Variants in CBFA2T3 observed in about 807,000 individuals in gnomAD.
CBFA2T3 encodes the protein CBFA2/RUNX1 partner transcriptional co-repressor 3.
In CBFA2T3, 31 loss-of-function variants were observed where a neutral mutation model predicts 58.6. That is an observed-to-expected ratio of 0.53 (90% CI 0.40 to 0.71). The LOEUF is 0.71. Ranked by LOEUF, CBFA2T3 falls within the 30% of genes least tolerant of loss-of-function variation. The pLI, the probability that CBFA2T3 is intolerant of heterozygous loss-of-function variation, is 0.00. For missense variants in CBFA2T3, 1,076 were observed against 963.1 expected (o/e 1.12, Z -1.55); for synonymous variants, 531 against 421.9 (o/e 1.26, Z -3.17).
intron 1 of CBFA2T3, among the ~76,000 whole-genome samples, chr16:88,917,087 GA>G (rs1016742816): frequency 1.3e-5 from 2 of 151,136 alleles, no homozygotes; most frequent in South Asian, 2.1e-4. Context: ...AAAAAAAAAG[GA>G]AAAAAAGAAA....
chr16:88,881,429 T>A lies in CBFA2T3; in HGVS notation c.1264A>T (p.Arg422Trp), dbSNP rs1321817403. 1 of 1,609,646 alleles carries A rather than the reference T, an allele frequency of 6.2e-7. No individual in the cohort carries two copies. Among genetic ancestry groups the A allele is most frequent in the South Asian group, 1.1e-5 (1 of 90,896 alleles). The change falls in exon 9 of 12, where the codon AGG becomes TGG. Residue 422 changes from arginine (R) to tryptophan (W), a missense_variant. Transcript: ENST00000268679. ...KTRRSLTVLR[R>W]CQEADREELN... ...TCCTCGCGGTCGGCCTCCTGGCACC[T>A]GCGCAGCACCGTGAGCGAGCGCCGC...
At position 88,874,912 on chromosome 16, in the gene CBFA2T3, C is replaced by T. The variant is rs1261755928; in HGVS notation, c.*2064G>A. 5 of 232,546 alleles carry T rather than the reference C, an allele frequency of 2.2e-5. No individual in the cohort carries two copies. The highest frequency in any genetic ancestry group is 3.4e-5 in the Non-Finnish European group (4 of 117,368). The allele number at this position is 232,546 out of a possible 1,614,324, so 14.4% of individuals were successfully genotyped here. On this transcript the variant is annotated 3_prime_UTR_variant, in exon 12 of 12. Transcript: ENST00000268679. ...TCTCGTTTATTACCATCATGAATATCATTTGGACCTCTGCAAAGACTATAT... is the reference window on the plus strand; with the variant it reads ...TCTCGTTTATTACCATCATGAATATTATTTGGACCTCTGCAAAGACTATAT...
chr16:88,929,149 G>C (rs768165469), intron 1 of CBFA2T3, among the ~76,000 whole-genome samples: 3 of 152,222 alleles, frequency 2.0e-5, no homozygotes, highest in Non-Finnish European at 4.4e-5. Context: ...CAAGTCACGC[G>C]GTCAGAGAGC....
intron 1 of CBFA2T3, among the ~76,000 whole-genome samples, chr16:88,936,202 C>A (rs117953675): frequency 1.1e-4 from 17 of 152,192 alleles, no homozygotes; most frequent in Admixed American, 6.5e-4. Context: ...CACCAGGGTG[C>A]GCAGGAGCCC....
intron 1 of CBFA2T3, among the ~76,000 whole-genome samples, chr16:88,971,962 A>C (rs986196092): frequency 3.3e-5 from 5 of 152,314 alleles, no homozygotes; most frequent in African/African-American, 1.2e-4. Flanking sequence ...GAGAAGTGAA[A>C]GTTGTCTTCG....
intron 8 of CBFA2T3, among the ~76,000 whole-genome samples, chr16:88,881,859 T>G (rs1167816077): frequency 6.6e-6 from 1 of 152,168 alleles, no homozygotes; most frequent in Non-Finnish European, 1.5e-5. Context: ...GGAGGGGTGC[T>G]GGCCCCATGC....
chr16:88,893,746 G>A (rs1041705155), intron 3 of CBFA2T3, among the ~76,000 whole-genome samples: 1 of 152,248 alleles, frequency 6.6e-6, no homozygotes, highest in African/African-American at 2.4e-5. Flanking sequence ...ACATGGGGCT[G>A]CTATGGAAAG....
intron 5 of CBFA2T3, among the ~76,000 whole-genome samples, chr16:88,890,450 G>T (rs765975929): frequency 1.3e-5 from 2 of 152,220 alleles, no homozygotes; most frequent in African/African-American, 4.8e-5. Flanking sequence ...CAGTGCTCAG[G>T]CTGGGCCCGA....
intron 1 of CBFA2T3, among the ~76,000 whole-genome samples, chr16:88,961,372 C>A (rs1400231628): frequency 6.6e-6 from 1 of 152,086 alleles, no homozygotes; most frequent in African/African-American, 2.4e-5. Context: ...TGGGCATTCC[C>A]ACTCCATAGC....
intron 1 of CBFA2T3, among the ~76,000 whole-genome samples, chr16:88,931,104 G>A (rs1033562045): frequency 2.0e-5 from 3 of 152,106 alleles, no homozygotes; most frequent in Non-Finnish European, 4.4e-5. Context: ...ACCCATCCAC[G>A]TTGCTAACAG....
At position 88,955,983 on chromosome 16, in the gene CBFA2T3, G is replaced by T. The variant is rs554327369; in HGVS notation, c.151+20674C>A. 1.7e-3 allele frequency among the ~76,000 whole-genome samples: 255 copies of T among 150,666 alleles called. 1 individual carries two copies. Among genetic ancestry groups the T allele is most frequent in the Non-Finnish European group, 3.2e-3 (215 of 67,534 alleles). The stretch of plus-strand genomic sequence containing the variant: ...GCCAAGGCTCCTGACCCCGCCCAAG[G>T]CTCCTGACCCCAGCCAAGGCTCCTG... On this transcript the variant is annotated intron_variant, in intron 1 of 11. Transcript: ENST00000268679.
chr16:88,898,448 TC>T (rs1258905509), intron 2 of CBFA2T3, among the ~76,000 whole-genome samples: 1 of 152,184 alleles, frequency 6.6e-6, no homozygotes, highest in African/African-American at 2.4e-5. Flanking sequence ...GCCAGGCCAC[TC>T]CCCTCTCCGA....
chr16:88,877,333 C>T, intron 11 of CBFA2T3, 58 bp from the exon 12 acceptor site: 2 of 1,404,750 alleles, frequency 1.4e-6, no homozygotes, highest in Non-Finnish European at 1.9e-6. Context: ...ATCCCCAACA[C>T]ACGCCTCAAC....
intron 1 of CBFA2T3, among the ~76,000 whole-genome samples, chr16:88,943,944 T>G (rs1039990418): frequency 6.6e-6 from 1 of 151,978 alleles, no homozygotes; most frequent in African/African-American, 2.4e-5. Flanking sequence ...CACTCAGGGC[T>G]CGGGAGGGGG....
At chr16:88,955,939 C>G (rs1313692665) in intron 1 of CBFA2T3, among the ~76,000 whole-genome samples, 7 of 139,768 alleles carry the variant, frequency 5.0e-5, no homozygotes, top group Non-Finnish European at 1.1e-4. Flanking sequence ...CCTGACCCCG[C>G]CCAAGGCTCC....
intron 1 of CBFA2T3, among the ~76,000 whole-genome samples, chr16:88,924,928 G>A (rs546182031): frequency 4.8e-4 from 73 of 152,342 alleles, no homozygotes; most frequent in African/African-American, 1.6e-3. Context: ...CACACTCCCC[G>A]CCACCACGTG....
intron 1 of CBFA2T3, among the ~76,000 whole-genome samples, chr16:88,956,408 C>T (rs1972221359): frequency 6.6e-6 from 1 of 152,260 alleles, no homozygotes; most frequent in Non-Finnish European, 1.5e-5. Flanking sequence ...GGGCTCTCTG[C>T]TCTTTGAGCC....
intron 4 of CBFA2T3, 70 bp from the exon 5 acceptor site, chr16:88,892,041 C>T: frequency 1.4e-6 from 2 of 1,440,920 alleles, no homozygotes; most frequent in East Asian, 2.3e-5. Context: ...CCACCCATGC[C>T]TGAGGAGGAG....
At position 88,879,301 on chromosome 16, in the gene CBFA2T3, G is replaced by A. The variant is rs751448990; in HGVS notation, c.1631C>T (p.Thr544Met). Residue 544 changes from threonine to methionine, a missense_variant, in exon 11 of 12, where the codon ACG becomes ATG. Thr to Met is a moderately conservative substitution (Grantham distance 81, BLOSUM62 -1). Transcript: ENST00000268679. Reference sequence around the variant, plus strand: ...GGAGTCCTCCTGCTGGTTGATGACCGTCAGGGCGTCCTCGGAGGCCTGCCG... The same window carrying A: ...GGAGTCCTCCTGCTGGTTGATGACCATCAGGGCGTCCTCGGAGGCCTGCCG... ...AKRQASEDAL[T>M]VINQQEDSSE... The A allele has an allele frequency of 2.2e-5, 36 of 1,607,118 alleles. No individual in the cohort carries two copies. The highest frequency in any genetic ancestry group is 6.6e-5 in the South Asian group (6 of 90,928).
Sources: allele counts gnomAD v4.1 joint callset (sites outside exome capture counted in the v4.1 genomes callset), GRCh38; gene constraint gnomAD v4.1.1; transcripts MANE v1.5; gene names NCBI Gene and HGNC (gene_info 2026-07-23, HGNC 2026-07-21).